Variants in ADK observed in about 807,000 individuals in gnomAD.
ADK encodes the protein adenosine kinase, also known as N6,N6-dimethyladenosine kinase.
A neutral mutation model predicts 44.7 loss-of-function variants in ADK; 24 were observed. The ratio of observed to expected loss-of-function variants is 0.54; its 90% CI spans 0.39 to 0.76. The LOEUF is 0.76. Ranked by LOEUF, ADK falls within the 30% of genes least tolerant of loss-of-function variation. The probability of loss-of-function intolerance (pLI) is 0.00; values close to 1 mark genes in which losing one functional copy is unlikely to be tolerated. For synonymous variants in ADK, 128 were observed against 142.6 expected, an observed-to-expected ratio of 0.90 and a Z score of 0.73; for missense variants, 321 against 425.1, an observed-to-expected ratio of 0.76 and a Z score of 2.15.
chr10:74,479,217 C>CA (rs112923434), intron 6 of ADK, among the ~76,000 whole-genome samples: 7,062 of 151,944 alleles, frequency 0.046, 513 homozygotes, highest in African/African-American at 0.15. Flanking sequence ...AGGCTGGTCT[C>CA]AACACCCGGG....
At chr10:74,323,716 A>G (rs1182565414) in intron 4 of ADK, among the ~76,000 whole-genome samples, 13 of 150,368 alleles carry the variant, frequency 8.6e-5, no homozygotes, top group African/African-American at 2.9e-4. Flanking sequence ...GACTACAGGC[A>G]CCCGCCACTG....
intron 6 of ADK, among the ~76,000 whole-genome samples, chr10:74,450,963 T>G (rs1164312866): frequency 6.6e-6 from 1 of 152,016 alleles, no homozygotes. Flanking sequence ...ATCTTTCCAT[T>G]TCTTAATTAA....
chr10:74,353,956 G>C (rs1037549760), intron 4 of ADK, among the ~76,000 whole-genome samples: 8 of 152,204 alleles, frequency 5.3e-5, no homozygotes, highest in African/African-American at 1.9e-4. Context: ...GAAAGTCATA[G>C]ATTAGAAGTG....
intron 10 of ADK, among the ~76,000 whole-genome samples, chr10:74,701,770 C>T (rs1856425786): frequency 1.3e-5 from 2 of 152,056 alleles, no homozygotes; most frequent in Admixed American, 1.3e-4. Flanking sequence ...CATGGTGAAA[C>T]CCTATCTCTA....
intron 1 of ADK, among the ~76,000 whole-genome samples, chr10:74,157,008 A>G (rs528453964): frequency 6.6e-6 from 1 of 152,360 alleles, no homozygotes; most frequent in East Asian, 1.9e-4. Flanking sequence ...GATGCTCTGT[A>G]TGAAACTGAA....
chr10:74,590,100 T>A (rs1851665666), intron 8 of ADK, among the ~76,000 whole-genome samples: 1 of 152,206 alleles, frequency 6.6e-6, no homozygotes, highest in Non-Finnish European at 1.5e-5. Context: ...CTGACTAATA[T>A]GAACCCAGGT....
At chr10:74,323,179 A>G (rs1447556086) in intron 4 of ADK, among the ~76,000 whole-genome samples, 1 of 152,110 alleles carries the variant, frequency 6.6e-6, no homozygotes, top group African/African-American at 2.4e-5. Flanking sequence ...ATTCCTTTTT[A>G]TTCTATTTTG....
chr10:74,267,788 GTGTGTC>G (rs1198916754), intron 3 of ADK, among the ~76,000 whole-genome samples: 4 of 149,762 alleles, frequency 2.7e-5, no homozygotes, highest in Non-Finnish European at 3.0e-5. Flanking sequence ...GTGTGTGTGT[GTGTGTC>G]TGTCTGTCTG....
At chr10:74,479,932 A>G (rs140065684) in intron 6 of ADK, among the ~76,000 whole-genome samples, 1 of 152,122 alleles carries the variant, frequency 6.6e-6, no homozygotes, top group African/African-American at 2.4e-5. Flanking sequence ...TATAATTATA[A>G]TTATCTTATT....
intron 6 of ADK, among the ~76,000 whole-genome samples, chr10:74,489,861 A>C (rs556688225): frequency 2.0e-5 from 3 of 152,024 alleles, no homozygotes; most frequent in Non-Finnish European, 4.4e-5. Context: ...TTAAATGTCC[A>C]TGGGGAAGAA....
chr10:74,272,572 A>G (rs928260632), intron 3 of ADK, among the ~76,000 whole-genome samples: 5 of 152,156 alleles, frequency 3.3e-5, no homozygotes, highest in African/African-American at 1.2e-4. Flanking sequence ...ACCACAGCCA[A>G]TATGCTTCAT....
intron 6 of ADK, among the ~76,000 whole-genome samples, chr10:74,524,045 C>T (rs917257252): frequency 5.9e-5 from 9 of 152,106 alleles, no homozygotes; most frequent in Admixed American, 1.3e-4. Flanking sequence ...TTAACTTCGC[C>T]GACCTTTTCA....
chr10:74,413,962 T>C (rs1844278414), intron 6 of ADK, among the ~76,000 whole-genome samples: 1 of 152,110 alleles, frequency 6.6e-6, no homozygotes, highest in Non-Finnish European at 1.5e-5. Flanking sequence ...GATGGGGTAA[T>C]GGCCAGCTGG....
chr10:74,338,423 A>G (rs1264641522), intron 4 of ADK, among the ~76,000 whole-genome samples: 1 of 152,198 alleles, frequency 6.6e-6, no homozygotes, highest in Non-Finnish European at 1.5e-5. Context: ...AGTATTTAAC[A>G]TAGAAAAATG....
intron 6 of ADK, among the ~76,000 whole-genome samples, chr10:74,486,212 C>T (rs911807970): frequency 2.0e-5 from 3 of 152,136 alleles, no homozygotes; most frequent in African/African-American, 7.2e-5. Context: ...GTCTTTTCCA[C>T]ACTTGCACGC....
intron 10 of ADK, among the ~76,000 whole-genome samples, chr10:74,696,055 C>G (rs1468602013): frequency 6.6e-6 from 1 of 152,010 alleles, no homozygotes; most frequent in Non-Finnish European, 1.5e-5. Flanking sequence ...GAGTCTTACT[C>G]TGTTACCCAG....
At chr10:74,445,123 C>G (rs1845550725) in intron 6 of ADK, among the ~76,000 whole-genome samples, 1 of 151,888 alleles carries the variant, frequency 6.6e-6, no homozygotes, top group South Asian at 2.1e-4. Flanking sequence ...TTTTTACATA[C>G]TTGCCCAGAT....
intron 6 of ADK, among the ~76,000 whole-genome samples, chr10:74,519,917 C>T (rs1848736887): frequency 6.6e-6 from 1 of 151,774 alleles, no homozygotes. Flanking sequence ...TTTACTTTTA[C>T]TATAGCAAAT....
chr10:74,354,029 G>A (rs1842054857), intron 4 of ADK, among the ~76,000 whole-genome samples: 1 of 152,142 alleles, frequency 6.6e-6, no homozygotes, highest in Non-Finnish European at 1.5e-5. Context: ...TCCAGAATAA[G>A]CATCAATTTA....
Sources: allele counts gnomAD v4.1 joint callset (sites outside exome capture counted in the v4.1 genomes callset), GRCh38; gene constraint gnomAD v4.1.1; transcripts MANE v1.5; gene names NCBI Gene and HGNC (gene_info 2026-07-23, HGNC 2026-07-21).